NOL8: variants seen among roughly 807,000 people sequenced by gnomAD.
The protein encoded by NOL8 is nucleolar protein 8.
NOL8 carries 93 observed loss-of-function variants against 116.1 expected under a neutral mutation model. The ratio of observed to expected loss-of-function variants is 0.80; its 90% confidence interval spans 0.68 to 0.95. The LOEUF (loss-of-function observed/expected upper bound fraction) is 0.95, where lower values mean the gene tolerates loss of function less well. Ranked by LOEUF, NOL8 falls within the 40% of genes least tolerant of loss-of-function variation. The probability of loss-of-function intolerance (pLI) is 0.00; values close to 1 mark genes in which losing one functional copy is unlikely to be tolerated. For synonymous variants in NOL8, 419 were observed against 469.0 expected (o/e 0.89, Z 1.38); for missense variants, 1,291 against 1,382.8 (o/e 0.93, Z 1.05).
chr9:92,317,446 G>A (rs186712637), intron 6 of NOL8, among the ~76,000 whole-genome samples: 1 of 152,192 alleles, frequency 6.6e-6, no homozygotes, highest in Non-Finnish European at 1.5e-5. Flanking sequence ...TCCTGACTTT[G>A]AGCCACTTGT....
chr9:92,321,814 A>C, intron 3 of NOL8, 68 bp from the exon 4 acceptor site: 1 of 810,720 alleles, frequency 1.2e-6, no homozygotes, highest in Non-Finnish European at 1.9e-6. Context: ...TGCTTTTTCT[A>C]ATTATTTAGT....
chr9:92,319,092 A>G (rs1339934629), intron 5 of NOL8, 129 bp downstream of exon 5: 9 of 943,590 alleles, frequency 9.5e-6, no homozygotes, highest in African/African-American at 1.7e-5. Context: ...ATAAAGTCCT[A>G]TCTATGTTAA....
Position 92,316,489 on chromosome 9 carries a change from A to G in NOL8, c.487-351T>C, listed in dbSNP as rs75435334. 9.5e-3 allele frequency among the ~76,000 whole-genome samples: 1,448 copies of G among 152,332 alleles called. 18 individuals are homozygous for G. The highest frequency in any genetic ancestry group is 0.032 in the African/African-American group (1,335 of 41,572). On this transcript the variant is annotated intron_variant, in intron 6 of 16. Transcript: ENST00000442668. ...AACCATCGAACTGATACAGTAAAGCAAAGTTCTGGGTTCAGGAGAACCCAG... is the reference window on the plus strand; with the variant it reads ...AACCATCGAACTGATACAGTAAAGCGAAGTTCTGGGTTCAGGAGAACCCAG...
At chr9:92,323,250 C>G in intron 3 of NOL8, 191 bp downstream of exon 3, 1 of 1,478,066 alleles carries the variant, frequency 6.8e-7, no homozygotes, top group Non-Finnish European at 9.0e-7. Context: ...AAAGTGCTAC[C>G]ATGTCTGCTG....
chr9:92,313,788 G>A lies in NOL8; in HGVS notation c.2358+479C>T, dbSNP rs533567556. 7.9e-5 allele frequency among the ~76,000 whole-genome samples: 12 copies of A among 152,188 alleles called. No individual in the cohort carries two copies. In the South Asian group the frequency reaches 1.7e-3, roughly 21 times the overall value. On this transcript the variant is annotated intron_variant, in intron 7 of 16. Transcript: ENST00000442668. ...CCAACTGACTTAGTGTGTCTCCTGC[G>A]TGCTGCCAAGGCACAGGGGCACAAC...
chr9:92,311,067 A>T, intron 8 of NOL8, 79 bp downstream of exon 8: 2 of 1,145,950 alleles, frequency 1.7e-6, no homozygotes, highest in South Asian at 2.7e-5. Flanking sequence ...GGAGGGTTTT[A>T]TGTTGAGATT....
chr9:92,302,284 T>C (rs1287228106), intron 12 of NOL8, among the ~76,000 whole-genome samples: 1 of 152,218 alleles, frequency 6.6e-6, no homozygotes. Context: ...TATAGTGTCT[T>C]TTGAAATGAA....
rs773322516 is a variant in NOL8, at chr9:92,315,763, AG to A, written c.861del (p.Leu288TrpfsTer21). On this transcript the variant is annotated frameshift_variant, in exon 7 of 17. Transcript: ENST00000442668. LOFTEE classifies it high-confidence loss of function. ...CTGTTTCTCTTCTTGGCAGTTTCCA[AG>A]CCAGAAGTCTTAAAAGGTAGATTTT... ...KLKNLPFKTS[G>X]LETAKKRNSI... The A allele has an allele frequency of 6.2e-7, 1 of 1,613,630 alleles. No individual in the cohort carries two copies. The highest frequency in any genetic ancestry group is 1.7e-5 in the Admixed American group (1 of 59,954).
rs1837347263 is a variant in NOL8 at position 92,297,606 on chromosome 9, T to C, written c.*230A>G. On this transcript the variant is annotated 3_prime_UTR_variant, in exon 17 of 17. Coordinates refer to ENST00000442668, the MANE Select transcript of NOL8 (RefSeq NM_017948.6). ...ATACAAAAAGTATTTTCAAGGACTA[T>C]CTTGTTCTTCCTTTATAAGAAGTTG... The C allele has an allele frequency of 1.9e-6, 1 of 515,954 alleles. No homozygotes were observed. Among genetic ancestry groups the C allele is most frequent in the African/African-American group, 2.0e-5 (1 of 50,842 alleles). 32.0% of individuals were successfully genotyped at this position (515,954 alleles called of 1,614,324 possible). A position where few individuals can be genotyped will look rare whatever the true frequency, so the allele number is the denominator to read the frequency against.
At chr9:92,323,097 G>C (rs754578246) in intron 3 of NOL8, 1 of 268,268 alleles carries the variant, frequency 3.7e-6, no homozygotes, top group South Asian at 5.5e-5. Context: ...TTAGTGACAA[G>C]GATTAGCTGT....
At chr9:92,319,160 G>A (rs1839691912) in intron 5 of NOL8, 61 bp downstream of exon 5, 3 of 1,457,274 alleles carry the variant, frequency 2.1e-6, no homozygotes, top group African/African-American at 1.5e-5. Flanking sequence ...CCACAATCAC[G>A]TGATCTCAGG....
Position 92,299,944 on chromosome 9 carries a change from C to G in NOL8, c.3248G>C (p.Ser1083Thr), listed in dbSNP as rs767044095. The G allele has an allele frequency of 1.2e-6, 2 of 1,613,478 alleles. No homozygotes were observed. The highest frequency in any genetic ancestry group is 2.7e-5 in the African/African-American group (2 of 74,906). The change falls in exon 14 of 17, where the codon AGT becomes ACT. Residue 1083 changes from serine to threonine, a missense_variant. Physicochemically the swap from Ser to Thr is moderately conservative, Grantham distance 58 (BLOSUM62 1). Coordinates refer to ENST00000442668, the MANE Select transcript of NOL8 (RefSeq NM_017948.6). The stretch of plus-strand genomic sequence containing the variant: ...TTCAGTAACATCTTCCTCTTCTGAA[C>G]TGCTGTCTTGTAAACGAGGGTCTTC... ...WQEDPRLQDSSSEEEDVTEET... is the reference protein window; with the variant it reads ...WQEDPRLQDSTSEEEDVTEET...
chr9:92,317,172 A>G (rs756312057), intron 6 of NOL8, among the ~76,000 whole-genome samples: 2 of 152,174 alleles, frequency 1.3e-5, no homozygotes, highest in Non-Finnish European at 2.9e-5. Context: ...TATGTTGCCT[A>G]GACTGGTCGC....
rs1461514125 is a variant in NOL8 at position 92,311,128 on chromosome 9, A to T, written c.2472+18T>A. 1.3e-6 allele frequency: 2 copies of T among 1,559,682 alleles called. No homozygotes were observed. The highest frequency in any genetic ancestry group is 1.7e-4 in the Middle Eastern group (1 of 5,974). ...CAGAAGTAGATGAATGTCCACAGAG[A>T]CATCCTGAACTTCTTACTTTCACCC... On this transcript the variant is annotated intron_variant, in intron 8 of 16. Coordinates refer to ENST00000442668, the MANE Select transcript of NOL8 (RefSeq NM_017948.6).
rs2134103618 is a variant in NOL8, at chr9:92,307,043, A to G, written c.2687-19T>C. On this transcript the variant is annotated intron_variant, in intron 10 of 16. Transcript: ENST00000442668. Reference sequence around the variant, plus strand: ...TTTACCTCTTTGAGGAAAAGGGATAATTAATACTCTCTTGGAAAACACAGC... The same window carrying G: ...TTTACCTCTTTGAGGAAAAGGGATAGTTAATACTCTCTTGGAAAACACAGC... 6.3e-7 allele frequency: 1 copy of G among 1,599,976 alleles called. No homozygotes were observed. Among genetic ancestry groups the G allele is most frequent in the Non-Finnish European group, 8.5e-7 (1 of 1,176,354 alleles).
At chr9:92,298,026 T>C in intron 16 of NOL8, 140 bp from the exon 17 acceptor site, 1 of 776,594 alleles carries the variant, frequency 1.3e-6, no homozygotes, top group African/African-American at 1.8e-5. Flanking sequence ...GAAGAGGGGA[T>C]ATTGGCATTT....
chr9:92,316,753 C>A (rs549349796), intron 6 of NOL8, among the ~76,000 whole-genome samples: 195 of 151,916 alleles, frequency 1.3e-3, no homozygotes, highest in African/African-American at 4.3e-3. Context: ...CCCAGGAGTT[C>A]GAGACCAGCC....
chr9:92,315,327 T>C lies in NOL8; in HGVS notation c.1298A>G (p.Asn433Ser), dbSNP rs1480253065. Residue 433 changes from asparagine to serine, a missense_variant, in exon 7 of 17, where the codon AAT becomes AGT. Coordinates refer to ENST00000442668, the MANE Select transcript of NOL8 (RefSeq NM_017948.6). Reference protein sequence around the residue: ...HCIKLQKRKSNVESALSHGLK... With the variant: ...HCIKLQKRKSSVESALSHGLK... ...TCCATGACTGAGGGCTGACTCTACA[T>C]TGCTTTTTCTTTTTTGTAGTTTAAT... 1.2e-6 allele frequency: 2 copies of C among 1,613,486 alleles called. No individual in the cohort carries two copies. Among genetic ancestry groups the C allele is most frequent in the East Asian group, 2.2e-5 (1 of 44,888 alleles).
rs747440576 is a variant in NOL8 at position 92,314,607 on chromosome 9, G to A, written c.2018C>T (p.Ser673Phe). ...SSEKRSKNPISRPLEGKKSLS... is the reference protein window; with the variant it reads ...SSEKRSKNPIFRPLEGKKSLS... ...GGACTTCTTACCTTCTAATGGCCTA[G>A]AAATAGGATTCTTACTTCTCTTTTC... The change falls in exon 7 of 17, where the codon TCT (serine) becomes TTT (phenylalanine). Residue 673 changes from serine (S) to phenylalanine (F), a missense_variant. Ser to Phe is a radical substitution (Grantham distance 155, BLOSUM62 -2). Transcript: ENST00000442668. The A allele has an allele frequency of 6.2e-7, 1 of 1,612,804 alleles. No homozygotes were observed. The highest frequency in any genetic ancestry group is 1.7e-5 in the Admixed American group (1 of 59,822).
Sources: gnomAD v4.1 joint callset for allele counts (sites outside exome capture counted in the v4.1 genomes callset) on GRCh38, gnomAD v4.1.1 for gene constraint, MANE v1.5 for transcripts, NCBI Gene and HGNC (gene_info 2026-07-23, HGNC 2026-07-21) for gene names.